Variants in DPP6 observed in about 807,000 individuals in gnomAD.
DPP6 encodes the protein dipeptidyl peptidase like 6.
DPP6 carries 69 observed loss-of-function variants against 122.6 expected under a neutral mutation model. The observed-to-expected ratio is 0.56, with a 90% CI of 0.46 to 0.69. The LOEUF is 0.69. Ranked by LOEUF, DPP6 falls within the 30% of genes least tolerant of loss-of-function variation. The pLI, the probability that DPP6 is intolerant of heterozygous loss-of-function variation, is 0.00. For synonymous variants in DPP6, 418 were observed against 433.1 expected, an observed-to-expected ratio of 0.97 and a Z score of 0.43; for missense variants, 928 against 1,116.9, an observed-to-expected ratio of 0.83 and a Z score of 2.41.
At chr7:154,634,782 C>A (rs1197839281) in intron 5 of DPP6, among the ~76,000 whole-genome samples, 1 of 152,006 alleles carries the variant, frequency 6.6e-6, no homozygotes, top group Non-Finnish European at 1.5e-5. Context: ...TTCTTATGAG[C>A]ACCACTTAAA....
At chr7:153,857,679 T>C in the DPP6 span, among the ~76,000 whole-genome samples, 1 of 152,224 alleles carries the variant, frequency 6.6e-6, no homozygotes, top group Non-Finnish European at 1.5e-5. Context: ...AAAATAGATA[T>C]TATATCTAGA....
At chr7:153,829,093 C>G in the DPP6 span, among the ~76,000 whole-genome samples, 20 of 152,272 alleles carry the variant, frequency 1.3e-4, no homozygotes, top group South Asian at 3.5e-3. Flanking sequence ...GGCCCAGGAG[C>G]CAGTGTAGAA....
rs139063216 is a variant in DPP6 at position 154,817,112 on chromosome 7, G to A, written c.1666+10000G>A. On this transcript the variant is annotated intron_variant, in intron 16 of 25. Transcript: ENST00000377770. ...ATAATTAACCAGGGGAAATGTCCAC[G>A]AAGGTGCCATTAAGGTGTCCTGCAA... is the stretch of plus-strand genomic sequence containing the variant. Among the ~76,000 whole-genome samples the A allele has an allele frequency of 5.3e-5, 8 of 152,232 alleles. No homozygotes were observed. In the East Asian group the frequency reaches 1.4e-3, roughly 26 times the overall value.
At chr7:154,164,241 C>G (rs1345007511) in intron 1 of DPP6, among the ~76,000 whole-genome samples, 3 of 149,242 alleles carry the variant, frequency 2.0e-5, no homozygotes, top group Non-Finnish European at 1.5e-5. Context: ...CCCTCCCCTC[C>G]CCTCGCCTCC....
chr7:154,731,417 A>C (rs931298789), intron 8 of DPP6, among the ~76,000 whole-genome samples: 2 of 152,254 alleles, frequency 1.3e-5, no homozygotes, highest in African/African-American at 4.8e-5. Context: ...GAGGAAGAGA[A>C]GAGGTGGGCA....
In DPP6 at chr7:154,892,794, C is replaced by G; in HGVS notation, c.*314C>G. The G allele has an allele frequency of 1.7e-6, 1 of 589,162 alleles. No individual in the cohort carries two copies. The highest frequency in any genetic ancestry group is 3.2e-6 in the Non-Finnish European group (1 of 307,802). 36.5% of individuals were successfully genotyped at this position (589,162 alleles called of 1,614,324 possible). ...CAAAGGATGGTGGCCGCAGGCCCCA[C>G]GCGAGCCCACAGGACACCGGCCCCT... On this transcript the variant is annotated 3_prime_UTR_variant, in exon 26 of 26. Coordinates refer to ENST00000377770, the MANE Select transcript of DPP6 (RefSeq NM_130797.4).
chr7:154,859,686 A>C lies in DPP6; in HGVS notation c.1714+5859A>C, dbSNP rs147270825. Among the ~76,000 whole-genome samples the C allele has an allele frequency of 5.3e-5, 8 of 152,350 alleles. No individual in the cohort carries two copies. In the East Asian group the frequency reaches 1.5e-3, roughly 29 times the overall value. On this transcript the variant is annotated intron_variant, in intron 17 of 25. Coordinates refer to ENST00000377770, the MANE Select transcript of DPP6 (RefSeq NM_130797.4). Reference sequence around the variant, plus strand: ...TTAAAAGCTGTTTCCTTAAGAAGGTAATTATGGTTGGGACCAACCTATACT... The same window carrying C: ...TTAAAAGCTGTTTCCTTAAGAAGGTCATTATGGTTGGGACCAACCTATACT...
intron 1 of DPP6, among the ~76,000 whole-genome samples, chr7:154,394,402 T>C (rs1468024590): frequency 6.7e-6 from 1 of 149,306 alleles, no homozygotes; most frequent in African/African-American, 2.5e-5. Context: ...TGGAGAACTG[T>C]CTATTTAAAA....
intron 1 of DPP6, among the ~76,000 whole-genome samples, chr7:154,278,690 A>G (rs1306307948): frequency 6.6e-6 from 1 of 152,220 alleles, no homozygotes; most frequent in African/African-American, 2.4e-5. Context: ...TTGTAGTGGA[A>G]AACATTTTGG....
intron 3 of DPP6, among the ~76,000 whole-genome samples, chr7:154,514,462 A>G (rs1358498415): frequency 6.6e-6 from 1 of 152,056 alleles, no homozygotes; most frequent in East Asian, 1.9e-4. Flanking sequence ...GTACATTCAC[A>G]TCGCTATGCA....
chr7:154,537,380 T>G (rs1828343629), intron 3 of DPP6, among the ~76,000 whole-genome samples: 1 of 152,162 alleles, frequency 6.6e-6, no homozygotes, highest in Admixed American at 6.5e-5. Context: ...TGGAAGATAG[T>G]AAGAAGTTTG....
chr7:154,800,294 A>G (rs755665940), intron 12 of DPP6, among the ~76,000 whole-genome samples: 5 of 152,194 alleles, frequency 3.3e-5, no homozygotes, highest in Non-Finnish European at 7.3e-5. Flanking sequence ...TGGGCATATC[A>G]TATCTGCATG....
chr7:153,835,745 A>T, the DPP6 span, among the ~76,000 whole-genome samples: 2 of 151,966 alleles, frequency 1.3e-5, no homozygotes, highest in Non-Finnish European at 2.9e-5. Flanking sequence ...ACATCATCCA[A>T]CGATTGGTTT....
At chr7:153,767,115 C>T in the DPP6 span, among the ~76,000 whole-genome samples, 1 of 151,942 alleles carries the variant, frequency 6.6e-6, no homozygotes, top group East Asian at 1.9e-4. Flanking sequence ...AGAAGGAAGT[C>T]AGGGGTGAAA....
At chr7:154,298,911 G>A (rs932471735) in intron 1 of DPP6, among the ~76,000 whole-genome samples, 16 of 152,178 alleles carry the variant, frequency 1.1e-4, no homozygotes, top group South Asian at 2.1e-4. Flanking sequence ...TCTGGTCTGC[G>A]TTCTCATCCG....
chr7:154,879,302 C>T lies in DPP6; in HGVS notation c.2079-1586C>T, dbSNP rs1261395944. Among the ~76,000 whole-genome samples, 6 of 135,152 alleles carry T rather than the reference C, an allele frequency of 4.4e-5. 2 individuals carry two copies. The East Asian group carries it at 1.0e-3, about 22-fold the overall frequency. 88.7% of individuals were successfully genotyped at this position (135,152 alleles called of 152,430 possible). ...CTCTATTAAAAACACAAAAATCGGC[C>T]GGGCGCGGTGGCTCACGCCTGTAAT... is the stretch of plus-strand genomic sequence containing the variant. On this transcript the variant is annotated intron_variant, in intron 20 of 25. Coordinates refer to ENST00000377770, the MANE Select transcript of DPP6 (RefSeq NM_130797.4).
At position 154,473,665 on chromosome 7, in the gene DPP6, A is replaced by G. The variant is rs904560144; in HGVS notation, c.359-1274A>G. 1.7e-4 allele frequency among the ~76,000 whole-genome samples: 26 copies of G among 152,240 alleles called. 1 individual carries two copies. Among genetic ancestry groups the G allele is most frequent in the Non-Finnish European group, 1.0e-4 (7 of 68,042 alleles). ...CTATTTGTTTATGTAATCCTAACAG[A>G]ATTTCTTTCTGTTTTTCTAACCTGC... On this transcript the variant is annotated intron_variant, in intron 2 of 25. Coordinates refer to ENST00000377770, the MANE Select transcript of DPP6 (RefSeq NM_130797.4).
rs76284841 is a variant in DPP6, at chr7:154,629,692, T to G, written c.628-8129T>G. ...GTCCCCTGAAGCAATTTTCCTGCAATGCATGCACCCATTCCAGAGGACTCC... is the reference window on the plus strand; with the variant it reads ...GTCCCCTGAAGCAATTTTCCTGCAAGGCATGCACCCATTCCAGAGGACTCC... On this transcript the variant is annotated intron_variant, in intron 5 of 25. Transcript: ENST00000377770. Among the ~76,000 whole-genome samples, 1,970 of 152,304 alleles carry G rather than the reference T, an allele frequency of 0.013. 127 individuals are homozygous for G. The East Asian group carries it at 0.21, about 17-fold the overall frequency.
chr7:154,418,780 T>C (rs1344489618), intron 1 of DPP6, among the ~76,000 whole-genome samples: 1 of 152,210 alleles, frequency 6.6e-6, no homozygotes, highest in Non-Finnish European at 1.5e-5. Flanking sequence ...AAACATGAGA[T>C]TGAGAACCCA....
Sources: gnomAD v4.1 joint callset for allele counts (sites outside exome capture counted in the v4.1 genomes callset) on GRCh38, gnomAD v4.1.1 for gene constraint, MANE v1.5 for transcripts, NCBI Gene and HGNC (gene_info 2026-07-23, HGNC 2026-07-21) for gene names.